Variants in SPECC1L observed in about 807,000 individuals in gnomAD.
SPECC1L encodes the protein cytospin-A.
In SPECC1L, 40 loss-of-function variants were observed where a neutral mutation model predicts 116.8. That is an observed-to-expected ratio of 0.34 (90% CI 0.27 to 0.45). SPECC1L has a LOEUF of 0.45. SPECC1L is among the 20% of genes least tolerant of loss of function. The pLI, the probability that SPECC1L is intolerant of heterozygous loss-of-function variation, is 1.00. For missense variants in SPECC1L, 1,110 were observed against 1,373.6 expected (o/e 0.81, Z 3.03); for synonymous variants, 504 against 500.6 (o/e 1.01, Z -0.09).
chr22:24,410,177 TGGG>T (rs1270752047), intron 14 of SPECC1L, among the ~76,000 whole-genome samples: 1 of 152,134 alleles, frequency 6.6e-6, no homozygotes, highest in Non-Finnish European at 1.5e-5. Flanking sequence ...TTTTCGGAGA[TGGG>T]GGGGATCTCA....
At chr22:24,291,823 T>C (rs1220738640) in intron 2 of SPECC1L, among the ~76,000 whole-genome samples, 1 of 152,210 alleles carries the variant, frequency 6.6e-6, no homozygotes, top group Non-Finnish European at 1.5e-5. Flanking sequence ...TATAGAAGGA[T>C]ACAGATTTGA....
chr22:24,287,067 C>G (rs1013020946), intron 2 of SPECC1L, among the ~76,000 whole-genome samples: 1 of 152,098 alleles, frequency 6.6e-6, no homozygotes, highest in African/African-American at 2.4e-5. Flanking sequence ...CAACTAGAGA[C>G]AAGGGAAGGT....
intron 2 of SPECC1L, among the ~76,000 whole-genome samples, chr22:24,279,377 T>A (rs1194894900): frequency 4.6e-5 from 7 of 152,060 alleles, no homozygotes. Context: ...TTAAAAAAAA[T>A]TTGACTTTGT....
rs573883590 is a variant in SPECC1L, at chr22:24,341,623, A to G, written c.2652+3146A>G. Among the ~76,000 whole-genome samples the G allele has an allele frequency of 4.6e-5, 7 of 152,290 alleles. No individual in the cohort carries two copies. In the South Asian group the frequency reaches 1.4e-3, roughly 32 times the overall value. On this transcript the variant is annotated intron_variant, in intron 10 of 16. Coordinates refer to ENST00000314328, the MANE Select transcript of SPECC1L (RefSeq NM_015330.6). Reference sequence around the variant, plus strand: ...CTAAAATGTTCCCCAGCGATCCCCCATTGGTGGTAGTTGCTCCTTGTGTAA... The same window carrying G: ...CTAAAATGTTCCCCAGCGATCCCCCGTTGGTGGTAGTTGCTCCTTGTGTAA...
At chr22:24,277,015 T>C (rs2048850082) in intron 2 of SPECC1L, among the ~76,000 whole-genome samples, 1 of 152,236 alleles carries the variant, frequency 6.6e-6, no homozygotes, top group South Asian at 2.1e-4. Context: ...TTTTTCATTG[T>C]TTTTCTCGCC....
intron 2 of SPECC1L, among the ~76,000 whole-genome samples, chr22:24,277,116 A>G (rs2048851690): frequency 6.6e-6 from 1 of 152,156 alleles, no homozygotes; most frequent in Non-Finnish European, 1.5e-5. Context: ...TGGGTTTTTC[A>G]ACCCTAGTTC....
chr22:24,402,019 T>G (rs1243875781), intron 14 of SPECC1L, among the ~76,000 whole-genome samples: 1 of 152,048 alleles, frequency 6.6e-6, no homozygotes, highest in African/African-American at 2.4e-5. Context: ...TGCCTCCTTC[T>G]TGCTCCCTCT....
At chr22:24,374,978 T>C (rs1468313508) in intron 14 of SPECC1L, among the ~76,000 whole-genome samples, 1 of 151,942 alleles carries the variant, frequency 6.6e-6, no homozygotes, top group Non-Finnish European at 1.5e-5. Context: ...AGACTAAAGT[T>C]ACCAAAATCA....
intron 14 of SPECC1L, among the ~76,000 whole-genome samples, chr22:24,408,490 T>C (rs528420766): frequency 1.4e-3 from 211 of 152,316 alleles, no homozygotes; most frequent in Non-Finnish European, 2.4e-3. Context: ...GCCTAGGTAT[T>C]TGGGGAGGAC....
intron 2 of SPECC1L, among the ~76,000 whole-genome samples, chr22:24,278,687 C>T (rs1259117260): frequency 1.3e-5 from 2 of 152,174 alleles, no homozygotes; most frequent in Non-Finnish European, 2.9e-5. Context: ...CATAGGGTTT[C>T]ACCAGTGAGT....
intron 4 of SPECC1L, among the ~76,000 whole-genome samples, chr22:24,320,367 TTAG>T (rs1432341410): frequency 2.6e-5 from 4 of 152,216 alleles, no homozygotes; most frequent in African/African-American, 9.6e-5. Flanking sequence ...GTTTAAAATT[TTAG>T]TAGTTAAGTA....
intron 14 of SPECC1L, among the ~76,000 whole-genome samples, chr22:24,378,183 T>C (rs182108541): frequency 1.3e-3 from 202 of 152,370 alleles, no homozygotes; most frequent in African/African-American, 4.5e-3. Context: ...CTTGCACTTA[T>C]ATGTTATGGA....
chr22:24,275,791 C>A (rs1256315742), intron 1 of SPECC1L, among the ~76,000 whole-genome samples: 2 of 152,140 alleles, frequency 1.3e-5, no homozygotes, highest in Non-Finnish European at 2.9e-5. Context: ...TCACCGTAGC[C>A]TTGAACTCCT....
chr22:24,292,759 C>A (rs1384538948), intron 2 of SPECC1L, among the ~76,000 whole-genome samples: 1 of 152,036 alleles, frequency 6.6e-6, no homozygotes, highest in African/African-American at 2.4e-5. Context: ...CGTAGAGATG[C>A]CTTAGAGTCC....
chr22:24,326,653 A>T, intron 6 of SPECC1L, among the ~76,000 whole-genome samples: 1 of 152,234 alleles, frequency 6.6e-6, no homozygotes, highest in Non-Finnish European at 1.5e-5. Context: ...TGAAGATTAT[A>T]TCTTTCCTTT....
chr22:24,337,675 CCA>C (rs1278277533), intron 9 of SPECC1L, among the ~76,000 whole-genome samples: 3 of 152,112 alleles, frequency 2.0e-5, no homozygotes, highest in Non-Finnish European at 4.4e-5. Flanking sequence ...TTAAAAAAGT[CCA>C]CAGTGGTCTG....
intron 8 of SPECC1L, among the ~76,000 whole-genome samples, chr22:24,334,082 G>A (rs371897950): frequency 4.1e-5 from 6 of 146,980 alleles, no homozygotes; most frequent in South Asian, 4.3e-4. Flanking sequence ...GCACTATCTC[G>A]GCTCACTGCA....
At chr22:24,410,661 A>G (rs1462944491) in intron 14 of SPECC1L, among the ~76,000 whole-genome samples, 2 of 152,174 alleles carry the variant, frequency 1.3e-5, no homozygotes, top group East Asian at 1.9e-4. Context: ...GGGGTACACT[A>G]TAGCAATCTC....
In SPECC1L at chr22:24,369,205, T is replaced by A. The variant is rs1489862552; in HGVS notation, c.2985-13T>A. 1 of 1,595,066 alleles carries A rather than the reference T, an allele frequency of 6.3e-7. No individual in the cohort carries two copies. The highest frequency in any genetic ancestry group is 1.3e-5 in the African/African-American group (1 of 74,548). ...AACAAAAAATATTTCAACTTTGGGT[T>A]ACTTGTTTTCAGAGAAGAAAGGAAA... is the stretch of plus-strand genomic sequence containing the variant. On this transcript the variant is annotated splice_polypyrimidine_tract_variant and intron_variant, in intron 13 of 16. Transcript: ENST00000314328.
Sources: allele counts gnomAD v4.1 joint callset (sites outside exome capture counted in the v4.1 genomes callset), GRCh38; gene constraint gnomAD v4.1.1; transcripts MANE v1.5; gene names NCBI Gene and HGNC (gene_info 2026-07-23, HGNC 2026-07-21).